The following COL8A1 variants were observed in gnomAD, a reference collection of about 807,000 sequenced individuals.
The protein encoded by COL8A1 is collagen alpha-1(VIII) chain.
COL8A1 carries 21 observed loss-of-function variants against 42.7 expected under a neutral mutation model. The ratio of observed to expected loss-of-function variants is 0.49; its 90% CI spans 0.35 to 0.71. The LOEUF is 0.71. Ranked by LOEUF, COL8A1 falls within the 30% of genes least tolerant of loss-of-function variation. The pLI is 0.01. For synonymous variants in COL8A1, 367 were observed against 369.1 expected (o/e 0.99, Z 0.06); for missense variants, 788 against 962.4 (o/e 0.82, Z 2.40).
At chr3:99,783,331 C>G (rs1321568486) in intron 2 of COL8A1, among the ~76,000 whole-genome samples, 1 of 152,206 alleles carries the variant, frequency 6.6e-6, no homozygotes, top group African/African-American at 2.4e-5. Context: ...AGGTCATTAT[C>G]TGCCTATAGC....
chr3:99,681,010 A>G (rs969549136), intron 1 of COL8A1, among the ~76,000 whole-genome samples: 3 of 152,216 alleles, frequency 2.0e-5, no homozygotes, highest in African/African-American at 7.2e-5. Context: ...GAAGACTTAA[A>G]TGTTAGACCT....
chr3:99,707,928 A>C (rs912234520), intron 1 of COL8A1, among the ~76,000 whole-genome samples: 1 of 152,036 alleles, frequency 6.6e-6, no homozygotes, highest in Admixed American at 6.6e-5. Flanking sequence ...TATTTTTTGC[A>C]GAGGCAGGGA....
At chr3:99,743,601 AAATT>A (rs147783395) in intron 1 of COL8A1, among the ~76,000 whole-genome samples, 18,276 of 152,178 alleles carry the variant, frequency 0.12, 1,241 homozygotes, top group African/African-American at 0.19. Context: ...ATCCACAGGT[AAATT>A]AATTAACTCA....
At chr3:99,650,198 AT>A (rs1453428354) in intron 1 of COL8A1, among the ~76,000 whole-genome samples, 1 of 152,168 alleles carries the variant, frequency 6.6e-6, no homozygotes, top group African/African-American at 2.4e-5. Flanking sequence ...AATAACCATA[AT>A]TTCAAAATCC....
chr3:99,647,949 G>A (rs995586043), intron 1 of COL8A1, among the ~76,000 whole-genome samples: 1 of 152,220 alleles, frequency 6.6e-6, no homozygotes, highest in African/African-American at 2.4e-5. Flanking sequence ...CTGGAGGTCA[G>A]TATCCCGTAA....
chr3:99,658,862 G>A (rs1938113007), intron 1 of COL8A1, among the ~76,000 whole-genome samples: 1 of 152,158 alleles, frequency 6.6e-6, no homozygotes, highest in African/African-American at 2.4e-5. Flanking sequence ...CACTCAATCA[G>A]TCCCTCTCAT....
chr3:99,786,436 C>T (rs1941897983), intron 2 of COL8A1, among the ~76,000 whole-genome samples: 1 of 152,110 alleles, frequency 6.6e-6, no homozygotes, highest in Non-Finnish European at 1.5e-5. Context: ...AAGGATACAG[C>T]AAAATGGTGT....
intron 1 of COL8A1, among the ~76,000 whole-genome samples, chr3:99,682,876 C>G (rs1325963088): frequency 6.6e-6 from 1 of 152,158 alleles, no homozygotes. Context: ...GGAGCACGAG[C>G]TCCCTCCCCA....
intron 1 of COL8A1, among the ~76,000 whole-genome samples, chr3:99,741,375 A>C (rs1374356924): frequency 6.6e-6 from 1 of 152,184 alleles, no homozygotes; most frequent in African/African-American, 2.4e-5. Context: ...TTCCACATTC[A>C]GTTTTCCAAC....
At chr3:99,774,127 G>C (rs1576471888) in intron 2 of COL8A1, among the ~76,000 whole-genome samples, 1 of 150,894 alleles carries the variant, frequency 6.6e-6, no homozygotes, top group Non-Finnish European at 1.5e-5. Flanking sequence ...TTACAGGCTT[G>C]AGCCACCACG....
chr3:99,639,423 C>T (rs1477352578), intron 1 of COL8A1, among the ~76,000 whole-genome samples: 1 of 152,196 alleles, frequency 6.6e-6, no homozygotes, highest in Non-Finnish European at 1.5e-5. Flanking sequence ...GAGAATAATA[C>T]AGGCCAGATT....
chr3:99,667,079 AT>A (rs1938388659), intron 1 of COL8A1, among the ~76,000 whole-genome samples: 1 of 152,190 alleles, frequency 6.6e-6, no homozygotes, highest in African/African-American at 2.4e-5. Flanking sequence ...GGAAGGTTAA[AT>A]AACTTGCACG....
At chr3:99,778,421 A>G (rs1430928931) in intron 2 of COL8A1, among the ~76,000 whole-genome samples, 1 of 152,220 alleles carries the variant, frequency 6.6e-6, no homozygotes, top group Non-Finnish European at 1.5e-5. Flanking sequence ...GAAGTCTTAA[A>G]TTGCATATTC....
chr3:99,650,007 GAACA>G (rs141477658), intron 1 of COL8A1, among the ~76,000 whole-genome samples: 8,064 of 152,190 alleles, frequency 0.053, 318 homozygotes, highest in Middle Eastern at 0.16. Flanking sequence ...ATGAAATGTA[GAACA>G]AACACTTTAG....
In COL8A1 at chr3:99,795,429, G is replaced by A; in HGVS notation, c.1528G>A (p.Gly510Arg). ...GATTGGGGGCCCTAGTGGCCCCATT[G>A]GACCACCTGGGATTCCAGGCCCCAA... Reference protein sequence around the residue: ...PGIGGPSGPIGPPGIPGPKGE... With the variant: ...PGIGGPSGPIRPPGIPGPKGE... The change falls in exon 4 of 4, where the codon GGA becomes AGA. Residue 510 changes from glycine (G) to arginine (R), a missense_variant. Gly to Arg is a moderately radical substitution (Grantham distance 125). Around this residue, in one of 4 missense-constraint regions of COL8A1, gnomAD observed 154 missense variants for 182.3 expected, o/e 0.84. Transcript: ENST00000652472. 1 of 1,519,816 alleles carries A rather than the reference G, an allele frequency of 6.6e-7. No homozygotes were observed. The highest frequency in any genetic ancestry group is 8.8e-7 in the Non-Finnish European group (1 of 1,131,508). The allele number at this position is 1,519,816 out of a possible 1,614,324, so 94.1% of individuals were successfully genotyped here. A position where few individuals can be genotyped will look rare whatever the true frequency, so the allele number is the denominator to read the frequency against.
chr3:99,734,823 C>A (rs2107390594), intron 1 of COL8A1, among the ~76,000 whole-genome samples: 1 of 152,190 alleles, frequency 6.6e-6, no homozygotes, highest in African/African-American at 2.4e-5. Context: ...TCTTTTATTT[C>A]CTTGAGAAGT....
At chr3:99,717,745 T>C (rs1940039955) in intron 1 of COL8A1, among the ~76,000 whole-genome samples, 1 of 152,028 alleles carries the variant, frequency 6.6e-6, no homozygotes, top group African/African-American at 2.4e-5. Context: ...TTTTTTTAAC[T>C]AATGATGATC....
intron 2 of COL8A1, among the ~76,000 whole-genome samples, chr3:99,774,691 C>CAG (rs1941657648): frequency 6.6e-6 from 1 of 152,160 alleles, no homozygotes; most frequent in Non-Finnish European, 1.5e-5. Flanking sequence ...TTGAAACTGA[C>CAG]AGAGGGAAGG....
Position 99,685,307 on chromosome 3 carries a change from A to G in COL8A1, c.-129+46643A>G, listed in dbSNP as rs1161287565. On this transcript the variant is annotated intron_variant, in intron 1 of 3. Coordinates refer to ENST00000652472, the MANE Select transcript of COL8A1 (RefSeq NM_020351.4). ...CAAATCTTAATATCTTCCAAATGCCATACATTTCAGGCTTCTACTTTTAAT... is the reference window on the plus strand; with the variant it reads ...CAAATCTTAATATCTTCCAAATGCCGTACATTTCAGGCTTCTACTTTTAAT... 3.9e-5 allele frequency: 6 copies of G among 152,212 alleles called. No individual in the cohort carries two copies. The South Asian group carries it at 1.0e-3, about 26-fold the overall frequency. The allele number at this position is 152,212 out of a possible 1,614,324, so 9.4% of individuals were successfully genotyped here. A position where few individuals can be genotyped will look rare whatever the true frequency, so the allele number is the denominator to read the frequency against.
Sources: gnomAD v4.1 joint callset for allele counts (sites outside exome capture counted in the v4.1 genomes callset) on GRCh38, gnomAD v4.1.1 for gene constraint, gnomAD v4.1.1 regional missense constraint, MANE v1.5 for transcripts, NCBI Gene and HGNC (gene_info 2026-07-23, HGNC 2026-07-21) for gene names.